Variants in PIBF1 observed in about 807,000 individuals in gnomAD.
The protein encoded by PIBF1 is progesterone immunomodulatory binding factor 1.
In PIBF1, 90 loss-of-function variants were observed where a neutral mutation model predicts 112.5. The ratio of observed to expected loss-of-function variants is 0.80; its 90% CI spans 0.67 to 0.95. The LOEUF is 0.95. PIBF1 is among the 40% of genes least tolerant of loss of function. The probability of loss-of-function intolerance (pLI) is 0.00; values close to 1 mark genes in which losing one functional copy is unlikely to be tolerated. For synonymous variants in PIBF1, 301 were observed against 288.6 expected (o/e 1.04, Z -0.44); for missense variants, 915 against 852.3 (o/e 1.07, Z -0.92).
chr13:72,973,300 GAGAA>G (rs1010535912), intron 15 of PIBF1, among the ~76,000 whole-genome samples: 1 of 146,768 alleles, frequency 6.8e-6, no homozygotes, highest in East Asian at 2.0e-4. Context: ...AAAAGAGAAA[GAGAA>G]AGAAAAGAGG....
intron 14 of PIBF1, among the ~76,000 whole-genome samples, chr13:72,948,396 C>G (rs2042206254): frequency 6.6e-6 from 1 of 152,106 alleles, no homozygotes; most frequent in Admixed American, 6.5e-5. Flanking sequence ...CTGAAACTAC[C>G]TCAGTCAGCC....
chr13:72,891,804 CA>C (rs1212860849), intron 10 of PIBF1, among the ~76,000 whole-genome samples: 3 of 152,004 alleles, frequency 2.0e-5, no homozygotes, highest in African/African-American at 7.2e-5. Flanking sequence ...AGAAACAACC[CA>C]AATGTCCATC....
rs1286596915 is a variant in PIBF1 at position 72,910,338 on chromosome 13, T to C, written c.1639+1657T>C. Among the ~76,000 whole-genome samples, 6 of 152,192 alleles carry C rather than the reference T, an allele frequency of 3.9e-5. No individual in the cohort carries two copies. The East Asian group carries it at 1.2e-3, about 29-fold the overall frequency. On this transcript the variant is annotated intron_variant, in intron 12 of 17. Coordinates refer to ENST00000326291, the MANE Select transcript of PIBF1 (RefSeq NM_006346.4). ...AGTCAAATTTCTTTACATGACTTCA[T>C]GATTAGACTCATGTTTATCTTTCTG...
chr13:72,937,141 A>G (rs73218779), intron 14 of PIBF1, among the ~76,000 whole-genome samples: 31,742 of 151,964 alleles, frequency 0.21, 3,410 homozygotes, highest in Middle Eastern at 0.27. Flanking sequence ...TTTTTTTAGA[A>G]CACTTAACAT....
At chr13:73,002,709 C>T (rs528582510) in intron 17 of PIBF1, among the ~76,000 whole-genome samples, 7 of 152,088 alleles carry the variant, frequency 4.6e-5, no homozygotes, top group East Asian at 1.9e-4. Context: ...AGAGCTTGGG[C>T]GCAGTGGCTC....
chr13:72,996,650 T>G (rs892775243), intron 16 of PIBF1, among the ~76,000 whole-genome samples: 1 of 151,942 alleles, frequency 6.6e-6, no homozygotes, highest in African/African-American at 2.4e-5. Context: ...TAGCTGGGTG[T>G]GGGGGAATGC....
chr13:72,928,775 A>G (rs1264261800), intron 13 of PIBF1, among the ~76,000 whole-genome samples: 12 of 152,160 alleles, frequency 7.9e-5, no homozygotes, highest in Admixed American at 7.9e-4. Context: ...GACTTATGAT[A>G]TTTTTATTGG....
intron 14 of PIBF1, among the ~76,000 whole-genome samples, chr13:72,948,101 A>G (rs1321824498): frequency 1.3e-5 from 2 of 152,152 alleles, no homozygotes; most frequent in Non-Finnish European, 2.9e-5. Flanking sequence ...TAGGGGAGGT[A>G]TAGCATTAGG....
chr13:72,986,121 C>A (rs964730390), intron 16 of PIBF1, among the ~76,000 whole-genome samples: 1 of 152,046 alleles, frequency 6.6e-6, no homozygotes, highest in Non-Finnish European at 1.5e-5. Flanking sequence ...TGTGCTTGCA[C>A]CACTGCACTC....
At chr13:72,916,414 A>ATAT (rs367708260) in intron 12 of PIBF1, among the ~76,000 whole-genome samples, 2 of 148,952 alleles carry the variant, frequency 1.3e-5, no homozygotes, top group Non-Finnish European at 3.0e-5. Flanking sequence ...ATATATATAT[A>ATAT]TTTTTTTAAT....
At chr13:72,888,066 T>C (rs893990293) in intron 10 of PIBF1, among the ~76,000 whole-genome samples, 3 of 152,114 alleles carry the variant, frequency 2.0e-5, no homozygotes, top group African/African-American at 7.2e-5. Context: ...AAGAGAAGTT[T>C]TTGTTTTTGG....
intron 13 of PIBF1, among the ~76,000 whole-genome samples, chr13:72,929,019 G>T (rs1372800367): frequency 6.6e-6 from 1 of 151,858 alleles, no homozygotes. Flanking sequence ...TGTGTTTATT[G>T]TTCTATACTG....
intron 14 of PIBF1, among the ~76,000 whole-genome samples, chr13:72,939,893 T>C (rs2041967587): frequency 6.6e-6 from 1 of 152,148 alleles, no homozygotes; most frequent in African/African-American, 2.4e-5. Context: ...GCATCGTTTC[T>C]GCCAAGATAT....
intron 16 of PIBF1, among the ~76,000 whole-genome samples, chr13:72,976,983 G>C (rs1387172779): frequency 6.6e-6 from 1 of 152,114 alleles, no homozygotes. Flanking sequence ...CGGCCCCTGG[G>C]AGCCACTGCT....
intron 10 of PIBF1, among the ~76,000 whole-genome samples, chr13:72,859,299 A>G (rs1377006392): frequency 6.6e-6 from 1 of 152,160 alleles, no homozygotes; most frequent in Non-Finnish European, 1.5e-5. Context: ...AATGAGTTAG[A>G]TAGGGAACAA....
intron 5 of PIBF1, among the ~76,000 whole-genome samples, chr13:72,809,066 C>T (rs1220042021): frequency 3.4e-5 from 5 of 146,470 alleles, no homozygotes; most frequent in Admixed American, 3.4e-4. Context: ...TTCCGTTTTA[C>T]TTTATGGATC....
chr13:72,855,395 G>A (rs17089806), intron 10 of PIBF1, among the ~76,000 whole-genome samples: 2,274 of 151,920 alleles, frequency 0.015, 62 homozygotes, highest in African/African-American at 0.051. Flanking sequence ...TCATGCTATC[G>A]GGCTAGGCAC....
rs2044371659 is a variant in PIBF1, at chr13:73,015,978, G to A, written c.*59G>A. 9.7e-7 allele frequency: 1 copy of A among 1,030,872 alleles called. No homozygotes were observed. The highest frequency in any genetic ancestry group is 1.4e-6 in the Non-Finnish European group (1 of 727,074). 63.9% of individuals were successfully genotyped at this position (1,030,872 alleles called of 1,614,324 possible). ...ATACTCCTGAAGTTCTTTTTCTGAT[G>A]GAAAACAAAATTCAGCTTAATCGTG... On this transcript the variant is annotated 3_prime_UTR_variant, in exon 18 of 18. Transcript: ENST00000326291.
At chr13:72,986,938 G>T (rs973375586) in intron 16 of PIBF1, among the ~76,000 whole-genome samples, 5 of 151,992 alleles carry the variant, frequency 3.3e-5, no homozygotes, top group African/African-American at 1.2e-4. Flanking sequence ...TGATCCACCT[G>T]CCTCGGCCTC....
Sources: allele counts gnomAD v4.1 joint callset (sites outside exome capture counted in the v4.1 genomes callset), GRCh38; gene constraint gnomAD v4.1.1; transcripts MANE v1.5; gene names NCBI Gene and HGNC (gene_info 2026-07-23, HGNC 2026-07-21).